The following TIAM1 variants were observed in gnomAD, a reference collection of about 807,000 sequenced individuals.
TIAM1 encodes rho guanine nucleotide exchange factor TIAM1.
Under a neutral mutation model 163.5 loss-of-function variants are expected in TIAM1, and 65 were observed. That is an observed-to-expected ratio of 0.40 (90% CI 0.33 to 0.49). The LOEUF (loss-of-function observed/expected upper bound fraction) is 0.49. TIAM1 is among the 20% of genes least tolerant of loss of function. The pLI is 0.77. For missense variants in TIAM1, 1,789 were observed against 2,044.7 expected, an observed-to-expected ratio of 0.87 and a Z score of 2.41; for synonymous variants, 833 against 810.1, an observed-to-expected ratio of 1.03 and a Z score of -0.48.
chr21:31,479,950 C>T (rs2046060191), intron 1 of TIAM1, among the ~76,000 whole-genome samples: 1 of 152,198 alleles, frequency 6.6e-6, no homozygotes, highest in African/African-American at 2.4e-5. Context: ...TACCCCTCTC[C>T]ACCCTCCTAG....
chr21:31,309,694 C>A (rs1362734218), intron 2 of TIAM1, among the ~76,000 whole-genome samples: 1 of 152,140 alleles, frequency 6.6e-6, no homozygotes, highest in African/African-American at 2.4e-5. Flanking sequence ...GAGCTAGGAT[C>A]AGTGAGAAAC....
chr21:31,534,892 C>G (rs942986412), intron 1 of TIAM1, among the ~76,000 whole-genome samples: 3 of 152,116 alleles, frequency 2.0e-5, no homozygotes, highest in Non-Finnish European at 4.4e-5. Context: ...GATTACTGAG[C>G]CCAGGAGTTC....
chr21:31,200,293 C>T (rs565334010), intron 12 of TIAM1, among the ~76,000 whole-genome samples: 4 of 151,810 alleles, frequency 2.6e-5, no homozygotes, highest in East Asian at 1.9e-4. Context: ...GCCAAGATCG[C>T]GCCACTGCAC....
At chr21:31,225,113 A>G (rs1455170066) in intron 7 of TIAM1, among the ~76,000 whole-genome samples, 1 of 151,978 alleles carries the variant, frequency 6.6e-6, no homozygotes, top group Non-Finnish European at 1.5e-5. Context: ...TCTGCCTCCC[A>G]GGCTCAGGCG....
chr21:31,413,096 T>TAAACTA (rs2043256376), intron 2 of TIAM1, among the ~76,000 whole-genome samples: 1 of 152,084 alleles, frequency 6.6e-6, no homozygotes. Flanking sequence ...TTTGGACCAC[T>TAAACTA]AAACTAAAAT....
intron 2 of TIAM1, among the ~76,000 whole-genome samples, chr21:31,371,358 T>G (rs994138148): frequency 1.3e-5 from 2 of 152,138 alleles, no homozygotes; most frequent in South Asian, 4.1e-4. Flanking sequence ...ATTTAGTACC[T>G]TCCTCCTCAT....
chr21:31,431,178 T>G (rs897308640), intron 2 of TIAM1, among the ~76,000 whole-genome samples: 6 of 152,210 alleles, frequency 3.9e-5, no homozygotes, highest in African/African-American at 1.4e-4. Context: ...TAACTTGAAC[T>G]TGGCTCATCT....
At chr21:31,330,314 G>A (rs989049735) in intron 2 of TIAM1, among the ~76,000 whole-genome samples, 2 of 152,168 alleles carry the variant, frequency 1.3e-5, no homozygotes, top group East Asian at 3.9e-4. Flanking sequence ...ATGTACCACA[G>A]TTTATACATT....
chr21:31,325,262 G>T (rs1394756408), intron 2 of TIAM1, among the ~76,000 whole-genome samples: 1 of 150,802 alleles, frequency 6.6e-6, no homozygotes, highest in African/African-American at 2.4e-5. Context: ...ACTCTAGCCT[G>T]GGTGACAGAG....
chr21:31,556,802 G>T (rs373728394), intron 1 of TIAM1, among the ~76,000 whole-genome samples: 3 of 152,130 alleles, frequency 2.0e-5, no homozygotes, highest in African/African-American at 7.2e-5. Flanking sequence ...TCTATTCAAA[G>T]ATAATTACTT....
In TIAM1 at chr21:31,152,550, C is replaced by T. The variant is rs1459876060; in HGVS notation, c.3366+86G>A. The T allele has an allele frequency of 3.2e-6, 5 of 1,558,166 alleles. No individual in the cohort carries two copies. In the Admixed American group the frequency reaches 5.6e-5, roughly 17 times the overall value. ...CTTAGGAACAGACCCCACTGTGGCC[C>T]TCCAATGAAGACATCAACACGATCA... is the stretch of plus-strand genomic sequence containing the variant. On this transcript the variant is annotated intron_variant, in intron 19 of 27. Transcript: ENST00000541036.
intron 4 of TIAM1, among the ~76,000 whole-genome samples, chr21:31,261,648 G>T (rs552993871): frequency 6.6e-6 from 1 of 152,194 alleles, no homozygotes; most frequent in South Asian, 2.1e-4. Flanking sequence ...GGGAGGCAGA[G>T]GTTGCAGTGA....
chr21:31,401,827 C>G (rs950019487), intron 2 of TIAM1, among the ~76,000 whole-genome samples: 1 of 151,864 alleles, frequency 6.6e-6, no homozygotes, highest in Non-Finnish European at 1.5e-5. Flanking sequence ...AAGAGGATTG[C>G]TTGAACCCAG....
intron 2 of TIAM1, among the ~76,000 whole-genome samples, chr21:31,443,441 C>A (rs150933686): frequency 6.6e-6 from 1 of 152,320 alleles, no homozygotes; most frequent in Non-Finnish European, 1.5e-5. Flanking sequence ...AAGGAAAGAT[C>A]TGATATTTTA....
intron 15 of TIAM1, among the ~76,000 whole-genome samples, chr21:31,170,689 G>A (rs1434913926): frequency 6.6e-6 from 1 of 152,024 alleles, no homozygotes; most frequent in East Asian, 1.9e-4. Flanking sequence ...ATGGGGTTAT[G>A]TCCCAATAAA....
intron 1 of TIAM1, among the ~76,000 whole-genome samples, chr21:31,538,587 G>A (rs984472273): frequency 6.6e-6 from 1 of 152,170 alleles, no homozygotes; most frequent in Non-Finnish European, 1.5e-5. Flanking sequence ...CCTGCCTGAG[G>A]ACGCCCAGAA....
At chr21:31,527,615 T>C (rs2047830336) in intron 1 of TIAM1, among the ~76,000 whole-genome samples, 1 of 152,114 alleles carries the variant, frequency 6.6e-6, no homozygotes, top group African/African-American at 2.4e-5. Context: ...CATTTTCTTC[T>C]GATTGGGTGT....
chr21:31,137,025 A>G (rs1443714263), intron 22 of TIAM1, among the ~76,000 whole-genome samples: 1 of 152,256 alleles, frequency 6.6e-6, no homozygotes, highest in Non-Finnish European at 1.5e-5. Flanking sequence ...TGTCTCCGAC[A>G]GACAAGTGCT....
intron 1 of TIAM1, among the ~76,000 whole-genome samples, chr21:31,555,412 CAT>C (rs1191674574): frequency 2.0e-5 from 3 of 152,112 alleles, no homozygotes; most frequent in Admixed American, 6.6e-5. Flanking sequence ...TGTAAATATA[CAT>C]GTGTGTATAT....
Sources: gnomAD v4.1 joint callset for allele counts (sites outside exome capture counted in the v4.1 genomes callset) on GRCh38, gnomAD v4.1.1 for gene constraint, MANE v1.5 for transcripts, NCBI Gene and HGNC (gene_info 2026-07-23, HGNC 2026-07-21) for gene names.